Variants in EGFLAM observed in about 807,000 individuals in gnomAD.
The protein encoded by EGFLAM is pikachurin.
EGFLAM carries 79 observed loss-of-function variants against 113.1 expected under a neutral mutation model. The observed-to-expected ratio is 0.70, with a 90% CI of 0.58 to 0.84. The LOEUF (loss-of-function observed/expected upper bound fraction) is 0.84. Ranked by LOEUF, EGFLAM falls within the 40% of genes least tolerant of loss-of-function variation. The probability of loss-of-function intolerance (pLI) is 0.00; values close to 1 mark genes in which losing one functional copy is unlikely to be tolerated. For missense variants in EGFLAM, 1,265 were observed against 1,291.6 expected, an observed-to-expected ratio of 0.98 and a Z score of 0.32; for synonymous variants, 504 against 487.6, an observed-to-expected ratio of 1.03 and a Z score of -0.44.
chr5:38,445,429 C>G, intron 17 of EGFLAM: 1 of 1,350,110 alleles, frequency 7.4e-7, no homozygotes, highest in Non-Finnish European at 9.6e-7. Context: ...CCGCCACGCC[C>G]ACCTTCAATA....
chr5:38,281,044 A>T (rs1757999732), intron 1 of EGFLAM, among the ~76,000 whole-genome samples: 1 of 152,118 alleles, frequency 6.6e-6, no homozygotes, highest in African/African-American at 2.4e-5. Flanking sequence ...TGACATAGGG[A>T]TAGCTGTGTG....
In EGFLAM at chr5:38,338,719, G is replaced by A. The variant is rs201545200; in HGVS notation, c.229G>A (p.Ala77Thr). 2.7e-5 allele frequency: 44 copies of A among 1,614,184 alleles called. No homozygotes were observed. In the African/African-American group the frequency reaches 2.9e-4, roughly 11 times the overall value. Residue 77 changes from alanine (A) to threonine (T), a missense_variant, in exon 3 of 22, where the codon GCA becomes ACA. Coordinates refer to ENST00000322350, the MANE Select transcript of EGFLAM (RefSeq NM_152403.4). ...CAAGGTCTTTTACTCTGAGGTTGGC[G>A]CAGATAAATCCCTGCAGGAGCAGTT... ...GYTVFYSEVG[A>T]DKSLQEQLHS...
chr5:38,360,816 G>A (rs1354732270), intron 5 of EGFLAM, among the ~76,000 whole-genome samples: 2 of 136,498 alleles, frequency 1.5e-5, no homozygotes, highest in Non-Finnish European at 3.1e-5. Flanking sequence ...AGTGTGTTTT[G>A]AAATTATTTA....
chr5:38,453,427 T>C (rs565322222), intron 19 of EGFLAM, among the ~76,000 whole-genome samples: 3 of 152,322 alleles, frequency 2.0e-5, no homozygotes, highest in African/African-American at 7.2e-5. Context: ...AATCTTTCTG[T>C]TTGAATAAAA....
chr5:38,379,354 C>T (rs1421352271), intron 6 of EGFLAM, among the ~76,000 whole-genome samples: 10 of 151,840 alleles, frequency 6.6e-5, no homozygotes, highest in African/African-American at 2.4e-4. Flanking sequence ...GATCTAGAAG[C>T]TTATAGACAG....
At chr5:38,350,719 C>A in intron 4 of EGFLAM, 101 bp downstream of exon 4, 3 of 1,135,056 alleles carry the variant, frequency 2.6e-6, no homozygotes, top group Non-Finnish European at 1.3e-6. Flanking sequence ...AAGCACTGTG[C>A]TAGGCTCTGG....
At chr5:38,392,928 A>T (rs1186072518) in intron 6 of EGFLAM, among the ~76,000 whole-genome samples, 1 of 151,932 alleles carries the variant, frequency 6.6e-6, no homozygotes, top group Non-Finnish European at 1.5e-5. Context: ...TTTGTATTTT[A>T]GTAGAGACCA....
At chr5:38,292,578 A>G (rs1007644928) in intron 1 of EGFLAM, among the ~76,000 whole-genome samples, 4 of 152,220 alleles carry the variant, frequency 2.6e-5, no homozygotes, top group African/African-American at 9.6e-5. Context: ...AGTTGATATT[A>G]TTCCTGTATC....
At chr5:38,420,960 C>T (rs1026524880) in intron 12 of EGFLAM, among the ~76,000 whole-genome samples, 2 of 152,182 alleles carry the variant, frequency 1.3e-5, no homozygotes, top group Admixed American at 1.3e-4. Context: ...TACATTTCTT[C>T]GCATTTCATT....
At chr5:38,411,483 CTTTTTTTTTTTTT>C (rs759299989) in intron 10 of EGFLAM, among the ~76,000 whole-genome samples, 2 of 113,418 alleles carry the variant, frequency 1.8e-5, no homozygotes, top group East Asian at 5.2e-4. Context: ...TCATTAATTT[CTTTTTTTTTTTTT>C]TTTTTTTTGA....
chr5:38,291,079 C>T (rs1199463400), intron 1 of EGFLAM: 1 of 148,302 alleles, frequency 6.7e-6, no homozygotes, highest in Non-Finnish European at 1.5e-5. Context: ...GAGACTCCGT[C>T]TCCAAAAAAA....
intron 6 of EGFLAM, among the ~76,000 whole-genome samples, chr5:38,375,714 A>AG (rs78451292): frequency 1 from 152,301 of 152,306 alleles, 76,148 homozygotes; most frequent in Non-Finnish European, 1. Flanking sequence ...AATGAAAGCC[A>AG]GGCCCAGTGT....
chr5:38,392,938 A>G (rs973416482), intron 6 of EGFLAM, among the ~76,000 whole-genome samples: 2 of 152,094 alleles, frequency 1.3e-5, no homozygotes, highest in African/African-American at 4.8e-5. Context: ...AGTAGAGACC[A>G]TGTTGGCCAG....
At chr5:38,426,792 G>A (rs1406918586) in intron 13 of EGFLAM, among the ~76,000 whole-genome samples, 4 of 152,180 alleles carry the variant, frequency 2.6e-5, no homozygotes, top group Admixed American at 1.3e-4. Context: ...GAGCATGGAG[G>A]ATGGAGGGAA....
intron 6 of EGFLAM, among the ~76,000 whole-genome samples, chr5:38,394,448 C>T (rs190034529): frequency 0.029 from 4,394 of 151,838 alleles, 240 homozygotes; most frequent in African/African-American, 0.1. Context: ...CCCGCTCTGT[C>T]TCCCAGGCTG....
At chr5:38,404,993 G>A (rs899042288) in intron 6 of EGFLAM, among the ~76,000 whole-genome samples, 1 of 152,138 alleles carries the variant, frequency 6.6e-6, no homozygotes, top group Admixed American at 6.5e-5. Flanking sequence ...CTGTATTGAC[G>A]TCTGAGAGGT....
chr5:38,267,652 G>A (rs1041697610), intron 1 of EGFLAM, among the ~76,000 whole-genome samples: 4 of 152,128 alleles, frequency 2.6e-5, no homozygotes, highest in Admixed American at 1.3e-4. Flanking sequence ...AAGTAATCCA[G>A]GCTAGAAGGC....
intron 20 of EGFLAM, among the ~76,000 whole-genome samples, chr5:38,460,648 C>T (rs1202836635): frequency 2.6e-5 from 4 of 152,122 alleles, no homozygotes; most frequent in South Asian, 2.1e-4. Context: ...CAGAAGGAGT[C>T]GAGCCCAGGA....
intron 1 of EGFLAM, among the ~76,000 whole-genome samples, chr5:38,306,940 G>A (rs760621969): frequency 4.3e-4 from 65 of 152,220 alleles, no homozygotes; most frequent in Non-Finnish European, 4.1e-4. Context: ...CAATAAACCC[G>A]GCTGGCAGCA....
Sources: gnomAD v4.1 joint callset for allele counts (sites outside exome capture counted in the v4.1 genomes callset) on GRCh38, gnomAD v4.1.1 for gene constraint, MANE v1.5 for transcripts, NCBI Gene and HGNC (gene_info 2026-07-23, HGNC 2026-07-21) for gene names.